The following COMMD9 variants were observed in gnomAD, a reference collection of about 807,000 sequenced individuals.
The protein encoded by COMMD9 is COMM domain containing 9.
In COMMD9, 22 loss-of-function variants were observed where a neutral mutation model predicts 23.4. The ratio of observed to expected loss-of-function variants is 0.94; its 90% CI spans 0.67 to 1.34. The LOEUF (loss-of-function observed/expected upper bound fraction) is 1.34, where lower values mean the gene tolerates loss of function less well. Among genes scored for constraint, COMMD9 ranks in the 40% most tolerant of loss-of-function variants. The pLI is 0.00. For missense variants in COMMD9, 231 were observed against 240.2 expected (o/e 0.96, Z 0.25); for synonymous variants, 99 against 97.4 (o/e 1.02, Z -0.10).
chr11:36,284,886 G>C lies in COMMD9; in HGVS notation c.52-4049C>G, dbSNP rs535614206. On this transcript the variant is annotated intron_variant, in intron 1 of 5. Coordinates refer to ENST00000263401, the MANE Select transcript of COMMD9 (RefSeq NM_014186.4). ...TGGTACACAGCCTAGCAAGTGGTGAGATGAAATTTTATAGTATTAAATGCA... is the reference window on the plus strand; with the variant it reads ...TGGTACACAGCCTAGCAAGTGGTGACATGAAATTTTATAGTATTAAATGCA... Among the ~76,000 whole-genome samples, 4 of 152,310 alleles carry C rather than the reference G, an allele frequency of 2.6e-5. No individual in the cohort carries two copies. In the South Asian group the frequency reaches 8.3e-4, roughly 32 times the overall value.
chr11:36,285,844 T>C (rs1258147459), intron 1 of COMMD9, among the ~76,000 whole-genome samples: 1 of 152,188 alleles, frequency 6.6e-6, no homozygotes, highest in East Asian at 1.9e-4. Flanking sequence ...CATCCATTAT[T>C]GATAAAAGCC....
At chr11:36,278,187 A>G in intron 3 of COMMD9, 1 of 314,310 alleles carries the variant, frequency 3.2e-6, no homozygotes, top group Non-Finnish European at 5.9e-6. Flanking sequence ...CTGTTAACAG[A>G]AAATAAGCAA....
intron 3 of COMMD9, 56 bp downstream of exon 3, chr11:36,278,421 T>C: frequency 3.3e-6 from 5 of 1,499,238 alleles, no homozygotes; most frequent in Non-Finnish European, 4.6e-6. Context: ...AGAATGAGAA[T>C]AAAAATAATA....
In COMMD9 at chr11:36,273,482, T is replaced by A. The variant is rs1855912301; in HGVS notation, c.*1150A>T. 6.6e-6 allele frequency: 1 copy of A among 151,642 alleles called. No individual in the cohort carries two copies. Among genetic ancestry groups the A allele is most frequent in the Non-Finnish European group, 1.5e-5 (1 of 67,872 alleles). The allele number at this position is 151,642 out of a possible 1,614,324, so 9.4% of individuals were successfully genotyped here. ...ACTGATGATTAGCCTTGCTTCCTTTTTATTTATTTTTATTTTTTGAGACGA... is the reference window on the plus strand; with the variant it reads ...ACTGATGATTAGCCTTGCTTCCTTTATATTTATTTTTATTTTTTGAGACGA... On this transcript the variant is annotated 3_prime_UTR_variant, in exon 6 of 6. Coordinates refer to ENST00000263401, the MANE Select transcript of COMMD9 (RefSeq NM_014186.4).
intron 1 of COMMD9, among the ~76,000 whole-genome samples, chr11:36,286,486 C>G (rs1856161193): frequency 6.7e-6 from 1 of 149,824 alleles, no homozygotes; most frequent in Non-Finnish European, 1.5e-5. Context: ...GTAGTCCTAG[C>G]TACTTGGTAG....
rs774902552 is a variant in COMMD9 at position 36,274,794 on chromosome 11, G to GA, written c.457-23dup. On this transcript the variant is annotated intron_variant, in intron 5 of 5. Transcript: ENST00000263401. Reference sequence around the variant, plus strand: ...GGATCTGAAACGAGAACACAGCCCAGAAAGTCAAAGCTGCCTCTTTTCCCA... The same window carrying GA: ...GGATCTGAAACGAGAACACAGCCCAGAAAAGTCAAAGCTGCCTCTTTTCCCA... 2.1e-5 allele frequency: 34 copies of GA among 1,613,738 alleles called. No homozygotes were observed. The South Asian group carries it at 3.6e-4, about 17-fold the overall frequency.
chr11:36,288,216 C>T (rs1856204672), intron 1 of COMMD9, among the ~76,000 whole-genome samples: 1 of 151,908 alleles, frequency 6.6e-6, no homozygotes, highest in Non-Finnish European at 1.5e-5. Flanking sequence ...AGTAGATCCC[C>T]TTAGGAGTGG....
chr11:36,286,429 AG>A (rs1856158819), intron 1 of COMMD9, among the ~76,000 whole-genome samples: 1 of 102,222 alleles, frequency 9.8e-6, no homozygotes, highest in African/African-American at 4.3e-5. Context: ...AAAGAAAGAA[AG>A]AAAGAAAAGA....
intron 4 of COMMD9, 159 bp downstream of exon 4, chr11:36,276,930 A>G (rs903335933): frequency 8.8e-6 from 4 of 455,620 alleles, no homozygotes; most frequent in Non-Finnish European, 1.5e-5. Flanking sequence ...AAAAAAGTTA[A>G]AAAGTAGAAT....
intron 2 of COMMD9, among the ~76,000 whole-genome samples, chr11:36,280,168 A>G (rs1236186137): frequency 6.6e-6 from 1 of 152,230 alleles, no homozygotes; most frequent in East Asian, 1.9e-4. Context: ...TTTTAAAAAC[A>G]TATTTGCCTT....
intron 1 of COMMD9, among the ~76,000 whole-genome samples, chr11:36,286,586 G>A (rs566714388): frequency 6.6e-5 from 10 of 151,896 alleles, no homozygotes; most frequent in African/African-American, 1.4e-4. Context: ...GCCACAGAGC[G>A]AGACTCTCTC....
intron 2 of COMMD9, among the ~76,000 whole-genome samples, chr11:36,280,152 G>C (rs1856040727): frequency 6.6e-6 from 1 of 151,626 alleles, no homozygotes; most frequent in Admixed American, 6.6e-5. Flanking sequence ...GATGAAGAAA[G>C]TGCTGTTTTA....
chr11:36,275,595 C>T (rs1488389112), intron 5 of COMMD9, among the ~76,000 whole-genome samples: 1 of 152,096 alleles, frequency 6.6e-6, no homozygotes, highest in African/African-American at 2.4e-5. Flanking sequence ...AGGAGCCCGC[C>T]ACCACGCCCG....
At chr11:36,288,410 T>C (rs1445760681) in intron 1 of COMMD9, among the ~76,000 whole-genome samples, 1 of 150,636 alleles carries the variant, frequency 6.6e-6, no homozygotes, top group Non-Finnish European at 1.5e-5. Context: ...TGATGGATCT[T>C]ACATTCTTAT....
intron 3 of COMMD9, 198 bp downstream of exon 3, chr11:36,278,279 A>AG: frequency 1.8e-6 from 1 of 541,812 alleles, no homozygotes; most frequent in Non-Finnish European, 3.2e-6. Context: ...GAAAAAAAAA[A>AG]CATGTTTTAA....
chr11:36,282,627 C>T (rs1856085531), intron 1 of COMMD9, among the ~76,000 whole-genome samples: 1 of 152,108 alleles, frequency 6.6e-6, no homozygotes, highest in African/African-American at 2.4e-5. Context: ...GTCACAAGAC[C>T]TGCCGTAAAA....
chr11:36,284,012 G>A (rs954184940), intron 1 of COMMD9, among the ~76,000 whole-genome samples: 4 of 152,012 alleles, frequency 2.6e-5, no homozygotes, highest in East Asian at 1.9e-4. Flanking sequence ...AGGCTGAGGC[G>A]GGAAGATTGC....
intron 2 of COMMD9, 54 bp from the exon 3 acceptor site, chr11:36,278,670 C>G (rs1157689578): frequency 1.3e-6 from 2 of 1,592,132 alleles, no homozygotes; most frequent in African/African-American, 1.4e-5. Context: ...AGGCAGGGGG[C>G]ACAAGGCAGG....
At chr11:36,282,277 A>T (rs1353691911) in intron 1 of COMMD9, among the ~76,000 whole-genome samples, 5 of 152,170 alleles carry the variant, frequency 3.3e-5, no homozygotes, top group Admixed American at 3.3e-4. Context: ...TTACTTAGAG[A>T]CATACTCCTA....
Sources: gnomAD v4.1 joint callset for allele counts (sites outside exome capture counted in the v4.1 genomes callset) on GRCh38, gnomAD v4.1.1 for gene constraint, MANE v1.5 for transcripts, NCBI Gene and HGNC (gene_info 2026-07-23, HGNC 2026-07-21) for gene names.